FAM163A: variants seen among roughly 807,000 people sequenced by gnomAD.
The protein encoded by FAM163A is family with sequence similarity 163 member A, also known as protein FAM163A.
In FAM163A, 7 loss-of-function variants were observed where a neutral mutation model predicts 12.0. The observed-to-expected ratio is 0.58, with a 90% CI of 0.33 to 1.10. FAM163A has a LOEUF of 1.10. FAM163A is among the 50% of genes least tolerant of loss of function. The pLI is 0.03. For synonymous variants in FAM163A, 101 were observed against 91.0 expected (o/e 1.11, Z -0.62); for missense variants, 202 against 218.6 (o/e 0.92, Z 0.48).
At chr1:179,736,833 A>G in the FAM163A span, among the ~76,000 whole-genome samples, 1 of 152,236 alleles carries the variant, frequency 6.6e-6, no homozygotes, top group Non-Finnish European at 1.5e-5. Flanking sequence ...AAAGAAAAAA[A>G]AAGTCAAAAG....
chr1:179,781,933 CAAAAAAAAAAA>C (rs58962319), intron 1 of FAM163A, among the ~76,000 whole-genome samples: 7,764 of 119,420 alleles, frequency 0.065, 598 homozygotes, highest in African/African-American at 0.19. Context: ...GAATCCGTAT[CAAAAAAAAAAA>C]AAAAAAAAAA....
intron 1 of FAM163A, among the ~76,000 whole-genome samples, chr1:179,782,664 C>T (rs1435359003): frequency 6.6e-6 from 1 of 152,182 alleles, no homozygotes; most frequent in Non-Finnish European, 1.5e-5. Flanking sequence ...TTCTAAGCCA[C>T]CCTGCCAGGC....
At chr1:179,774,070 G>T (rs1688621936) in intron 1 of FAM163A, among the ~76,000 whole-genome samples, 1 of 152,126 alleles carries the variant, frequency 6.6e-6, no homozygotes, top group Non-Finnish European at 1.5e-5. Flanking sequence ...CCATGTTCTG[G>T]AGCTCTCTTC....
At chr1:179,765,232 T>C (rs1474246440) in intron 1 of FAM163A, among the ~76,000 whole-genome samples, 1 of 152,246 alleles carries the variant, frequency 6.6e-6, no homozygotes, top group African/African-American at 2.4e-5. Context: ...GGGTGGGATG[T>C]GATCTCCAAG....
the FAM163A span, among the ~76,000 whole-genome samples, chr1:179,728,815 TA>T: frequency 6.6e-6 from 1 of 152,208 alleles, no homozygotes; most frequent in African/African-American, 2.4e-5. Flanking sequence ...CAAAGATGAC[TA>T]AATGGTTTTT....
intron 1 of FAM163A, among the ~76,000 whole-genome samples, chr1:179,777,418 T>C (rs1479145624): frequency 6.6e-6 from 1 of 152,158 alleles, no homozygotes; most frequent in Non-Finnish European, 1.5e-5. Flanking sequence ...GCAGAAATGC[T>C]GTGGGTGAGT....
intron 1 of FAM163A, among the ~76,000 whole-genome samples, chr1:179,765,415 G>T (rs575235237): frequency 1.3e-5 from 2 of 152,336 alleles, no homozygotes; most frequent in East Asian, 3.9e-4. Context: ...ACAAACATGT[G>T]GCCAGGCCAC....
rs187773098 is a variant in FAM163A at position 179,779,296 on chromosome 1, T to C, written c.-135-28502T>C. Among the ~76,000 whole-genome samples, 22 of 152,248 alleles carry C rather than the reference T, an allele frequency of 1.4e-4. No homozygotes were observed. In the East Asian group the frequency reaches 3.7e-3, roughly 25 times the overall value. ...GAAGGAATAGGTTGGATTTCAGCCT[T>C]TTTGAAGAGGGAGTTGGCTTAGACC... is the stretch of plus-strand genomic sequence containing the variant. On this transcript the variant is annotated intron_variant, in intron 1 of 4. Transcript: ENST00000341785.
At chr1:179,785,212 C>T (rs761987039) in intron 1 of FAM163A, among the ~76,000 whole-genome samples, 20 of 152,204 alleles carry the variant, frequency 1.3e-4, no homozygotes, top group Non-Finnish European at 2.2e-4. Flanking sequence ...TTGCTCCTCC[C>T]TTGCCTGGTA....
At chr1:179,755,988 A>T (rs1685971704) in intron 1 of FAM163A, among the ~76,000 whole-genome samples, 2 of 152,208 alleles carry the variant, frequency 1.3e-5, no homozygotes, top group African/African-American at 4.8e-5. Context: ...CCAGGTGCTG[A>T]TAGTTCAACA....
chr1:179,785,531 T>C (rs1276603940), intron 1 of FAM163A, among the ~76,000 whole-genome samples: 2 of 152,084 alleles, frequency 1.3e-5, no homozygotes, highest in Non-Finnish European at 2.9e-5. Flanking sequence ...GGTTTTGGTT[T>C]GTTGTTTTTG....
chr1:179,750,588 G>A (rs911035006), intron 1 of FAM163A, among the ~76,000 whole-genome samples: 15 of 152,144 alleles, frequency 9.9e-5, no homozygotes, highest in African/African-American at 3.6e-4. Context: ...GAGAATGAGA[G>A]GGGAAATCAT....
At chr1:179,768,601 G>A (rs1005948150) in intron 1 of FAM163A, among the ~76,000 whole-genome samples, 4 of 151,912 alleles carry the variant, frequency 2.6e-5, no homozygotes, top group African/African-American at 9.7e-5. Context: ...TTATGTATAT[G>A]GACACTGGAT....
At chr1:179,773,808 A>G (rs796592863) in intron 1 of FAM163A, among the ~76,000 whole-genome samples, 6 of 152,296 alleles carry the variant, frequency 3.9e-5, no homozygotes, top group African/African-American at 1.4e-4. Context: ...CTTCACCCAT[A>G]TGGCCCTGAA....
chr1:179,753,453 AT>A (rs1334277117), intron 1 of FAM163A, among the ~76,000 whole-genome samples: 2 of 152,188 alleles, frequency 1.3e-5, no homozygotes, highest in Non-Finnish European at 2.9e-5. Context: ...TCTTACCATA[AT>A]TTTTTGAAAA....
At chr1:179,756,418 T>C (rs3909014) in intron 1 of FAM163A, among the ~76,000 whole-genome samples, 36,194 of 152,108 alleles carry the variant, frequency 0.24, 4,961 homozygotes, top group East Asian at 0.63. Flanking sequence ...AAAGAGGACA[T>C]GTCTAGGACT....
chr1:179,784,025 A>G (rs1186388389), intron 1 of FAM163A, among the ~76,000 whole-genome samples: 1 of 152,074 alleles, frequency 6.6e-6, no homozygotes, highest in Non-Finnish European at 1.5e-5. Context: ...GGAGAGAGAT[A>G]CAGGTGAGAT....
chr1:179,803,056 G>A (rs574588401), intron 1 of FAM163A, among the ~76,000 whole-genome samples: 5 of 152,082 alleles, frequency 3.3e-5, no homozygotes, highest in African/African-American at 1.2e-4. Flanking sequence ...CTTTGTAATG[G>A]GCATATATAC....
the FAM163A span, among the ~76,000 whole-genome samples, chr1:179,732,878 C>T: frequency 0.024 from 1,021 of 42,744 alleles, 9 homozygotes; most frequent in Middle Eastern, 0.071. Context: ...GAGACTCTGC[C>T]TCAAAAAAAA....
Sources: gnomAD v4.1 joint callset for allele counts (sites outside exome capture counted in the v4.1 genomes callset) on GRCh38, gnomAD v4.1.1 for gene constraint, MANE v1.5 for transcripts, NCBI Gene and HGNC (gene_info 2026-07-23, HGNC 2026-07-21) for gene names.